C11orf65: variants seen among roughly 807,000 people sequenced by gnomAD.
C11orf65 encodes the protein protein MFI.
Under a neutral mutation model 35.3 loss-of-function variants are expected in C11orf65, and 38 were observed. The ratio of observed to expected loss-of-function variants is 1.08; its 90% CI spans 0.83 to 1.41. The LOEUF (loss-of-function observed/expected upper bound fraction) is 1.41, where lower values mean the gene tolerates loss of function less well. C11orf65 is among the 40% of genes most tolerant of loss of function. The pLI, the probability that C11orf65 is intolerant of heterozygous loss-of-function variation, is 0.00. For synonymous variants in C11orf65, 105 were observed against 114.4 expected (o/e 0.92, Z 0.53); for missense variants, 370 against 367.1 (o/e 1.01, Z -0.06).
intron 3 of C11orf65, chr11:108,332,992 T>C (rs2136582716): frequency 6.8e-7 from 1 of 1,471,098 alleles, no homozygotes; most frequent in Non-Finnish European, 9.3e-7. Flanking sequence ...GTAAATCTGC[T>C]TAAAATCACA....
At chr11:108,428,784 A>T (rs2092944929) in intron 3 of C11orf65, among the ~76,000 whole-genome samples, 1 of 152,220 alleles carries the variant, frequency 6.6e-6, no homozygotes. Context: ...CATGTTCTGC[A>T]CATGTATCCC....
intron 2 of C11orf65, among the ~76,000 whole-genome samples, chr11:108,349,328 A>G (rs1451567246): frequency 6.6e-6 from 1 of 152,208 alleles, no homozygotes; most frequent in Non-Finnish European, 1.5e-5. Flanking sequence ...ACCATACTGT[A>G]AAAAGGCAAG....
In C11orf65 at chr11:108,405,498, G is replaced by C. The variant is rs751822686; in HGVS notation, c.491C>G (p.Ser164Cys). Residue 164 changes from serine (S) to cysteine (C), a missense_variant, in exon 6 of 9, where the codon TCT (serine) becomes TGT (cysteine). Ser to Cys is a moderately radical substitution (Grantham distance 112). Transcript: ENST00000393084. The part of the protein sequence containing the change: ...EDKKESEFHF[S>C]KLKRRQDLEK... ...CAAATCTTGCCTTCTCTTCAGTTTA[G>C]AGAAATGGAATTCACTTTCCTTTTT... 6.2e-7 allele frequency: 1 copy of C among 1,613,466 alleles called. No individual in the cohort carries two copies. Among genetic ancestry groups the C allele is most frequent in the Non-Finnish European group, 8.5e-7 (1 of 1,179,714 alleles).
At chr11:108,363,566 G>C (rs1398970264) in intron 2 of C11orf65, among the ~76,000 whole-genome samples, 2 of 152,156 alleles carry the variant, frequency 1.3e-5, no homozygotes, top group South Asian at 2.1e-4. Context: ...GATAGTATTG[G>C]CATCTACTGG....
At chr11:108,437,707 T>TAAAAAAAAAAAAAA (rs145337876) in intron 2 of C11orf65, among the ~76,000 whole-genome samples, 30 of 38,032 alleles carry the variant, frequency 7.9e-4, no homozygotes, top group Non-Finnish European at 1.1e-3. Context: ...GACTCAGTCT[T>TAAAAAAAAAAAAAA]AAAAAAAAAA....
rs2093498852 is a variant in C11orf65, at chr11:108,463,683, G to T, written c.-9-2115C>A. 2.6e-5 allele frequency among the ~76,000 whole-genome samples: 4 copies of T among 152,126 alleles called. No homozygotes were observed. The South Asian group carries it at 8.3e-4, about 32-fold the overall frequency. ...CTCATTGTACCTAACTCATAGAATT[G>T]TTAGGATTAAGTCAGATAACACAGG... On this transcript the variant is annotated intron_variant, in intron 1 of 8. Coordinates refer to ENST00000393084, the MANE Select transcript of C11orf65 (RefSeq NM_152587.5).
At chr11:108,384,030 C>T (rs1489770038) in intron 8 of C11orf65, among the ~76,000 whole-genome samples, 1 of 151,982 alleles carries the variant, frequency 6.6e-6, no homozygotes, top group Admixed American at 6.6e-5. Context: ...GCCCTGCTGA[C>T]ATTTTATTTT....
downstream of C11orf65, chr11:108,327,700 G>C (rs1479487529): frequency 6.2e-7 from 1 of 1,613,978 alleles, no homozygotes; most frequent in Admixed American, 1.7e-5. Context: ...TGTGGCAACT[G>C]GTTAGCAGAA....
At chr11:108,466,768 G>A (rs551093455) in intron 1 of C11orf65, among the ~76,000 whole-genome samples, 15 of 152,030 alleles carry the variant, frequency 9.9e-5, no homozygotes, top group Admixed American at 4.6e-4. Flanking sequence ...TTTACGCTTC[G>A]TGGAAAAAAG....
intron 1 of C11orf65, among the ~76,000 whole-genome samples, chr11:108,464,182 C>G (rs1006610262): frequency 2.0e-5 from 3 of 152,148 alleles, no homozygotes; most frequent in Admixed American, 2.0e-4. Context: ...CCGCCTTGGC[C>G]TCCCAAAGTG....
At chr11:108,418,854 A>T (rs1039993943) in intron 3 of C11orf65, among the ~76,000 whole-genome samples, 1 of 152,180 alleles carries the variant, frequency 6.6e-6, no homozygotes, top group African/African-American at 2.4e-5. Flanking sequence ...GATCATAAAA[A>T]GTATTATGAA....
intron 3 of C11orf65, among the ~76,000 whole-genome samples, chr11:108,424,095 T>C (rs1164836847): frequency 6.6e-6 from 1 of 152,140 alleles, no homozygotes; most frequent in African/African-American, 2.4e-5. Context: ...AGAAGGTGGA[T>C]AACAAACTCC....
intron 2 of C11orf65, among the ~76,000 whole-genome samples, chr11:108,370,560 C>T (rs1471308308): frequency 2.0e-5 from 3 of 147,566 alleles, no homozygotes; most frequent in Non-Finnish European, 3.0e-5. Context: ...TGTGCCTCAT[C>T]TCAAAGATAA....
downstream of C11orf65, among the ~76,000 whole-genome samples, chr11:108,381,260 G>T (rs967374126): frequency 6.6e-6 from 1 of 152,126 alleles, no homozygotes; most frequent in Admixed American, 6.6e-5. Context: ...TTGGGAATTT[G>T]TGCTTCTTGT....
chr11:108,313,099 T>A (rs1476399742), intron 6 of C11orf65, among the ~76,000 whole-genome samples: 3 of 152,186 alleles, frequency 2.0e-5, no homozygotes, highest in Non-Finnish European at 4.4e-5. Flanking sequence ...AACATTGAAA[T>A]CTCCTGGCAT....
At chr11:108,398,250 C>T (rs1565645851) in intron 6 of C11orf65, among the ~76,000 whole-genome samples, 1 of 152,084 alleles carries the variant, frequency 6.6e-6, no homozygotes, top group Non-Finnish European at 1.5e-5. Flanking sequence ...TGAGACATCA[C>T]AGTGGAGAAT....
chr11:108,417,536 G>T (rs1192843625), intron 3 of C11orf65, among the ~76,000 whole-genome samples: 1 of 150,046 alleles, frequency 6.7e-6, no homozygotes, highest in Non-Finnish European at 1.5e-5. Flanking sequence ...AACAGAACGA[G>T]ACTCTGTCTC....
intron 2 of C11orf65, among the ~76,000 whole-genome samples, chr11:108,360,462 C>T (rs1313727631): frequency 8.0e-6 from 1 of 124,962 alleles, no homozygotes; most frequent in Non-Finnish European, 1.7e-5. Flanking sequence ...CAGCATCATT[C>T]TGATACCAAA....
At chr11:108,419,909 T>C (rs754580615) in intron 3 of C11orf65, among the ~76,000 whole-genome samples, 1 of 152,162 alleles carries the variant, frequency 6.6e-6, no homozygotes, top group Non-Finnish European at 1.5e-5. Context: ...AGCCAGTGTA[T>C]AATGGCAAGA....
Sources: gnomAD v4.1 joint callset for allele counts (sites outside exome capture counted in the v4.1 genomes callset) on GRCh38, gnomAD v4.1.1 for gene constraint, MANE v1.5 for transcripts, NCBI Gene and HGNC (gene_info 2026-07-23, HGNC 2026-07-21) for gene names.